The following AP2S1 variants were observed in gnomAD, a reference collection of about 807,000 sequenced individuals.
AP2S1 encodes AP-2 complex subunit sigma.
In AP2S1, 6 loss-of-function variants were observed where a neutral mutation model predicts 21.0. The ratio of observed to expected loss-of-function variants is 0.29; its 90% CI spans 0.16 to 0.56. AP2S1 has a LOEUF of 0.56. Ranked by LOEUF, AP2S1 falls within the 20% of genes least tolerant of loss-of-function variation. The probability of loss-of-function intolerance (pLI) is 0.92; values close to 1 mark genes in which losing one functional copy is unlikely to be tolerated. For missense variants in AP2S1, 60 were observed against 186.2 expected (o/e 0.32, Z 3.95); for synonymous variants, 63 against 74.6 (o/e 0.84, Z 0.80).
chr19:46,839,759 G>A (rs909670849), intron 2 of AP2S1, 181 bp from the exon 3 acceptor site: 27 of 1,028,072 alleles, frequency 2.6e-5, no homozygotes, highest in Admixed American at 1.1e-4. Context: ...ACAGTGCAGC[G>A]GGGGCAGGCA....
chr19:46,850,279 C>T (rs2055714945), intron 1 of AP2S1: 2 of 1,234,810 alleles, frequency 1.6e-6, no homozygotes, highest in Admixed American at 4.2e-5. Flanking sequence ...TCTCAACATC[C>T]CCTCTCCACC....
Position 46,838,540 on chromosome 19 carries a change from C to A in AP2S1, c.336G>T (p.Thr112=), listed in dbSNP as rs752653383. 1 of 1,614,196 alleles carries A rather than the reference C, an allele frequency of 6.2e-7. No homozygotes were observed. The highest frequency in any genetic ancestry group is 1.1e-5 in the South Asian group (1 of 91,070). ...CAGCCAGGAACATCTCGTCCACGAC[C>A]GTGTAAACCTGTGTGAGGGGAGACC... is the stretch of plus-strand genomic sequence containing the variant. The part of the protein sequence containing the change: ...DLVFNFYKVY[T]VVDEMFLAGE... Residue 112 remains threonine (T), a synonymous_variant, in exon 5 of 5, where the codon ACG becomes ACT. Coordinates refer to ENST00000263270, the MANE Select transcript of AP2S1 (RefSeq NM_004069.6). This position sits in a 1 kb window ranked among gnomAD's most constrained non-coding sequence, Gnocchi z 4.1.
At position 46,839,593 on chromosome 19, in the gene AP2S1, G is replaced by A. The variant is rs1275054920; in HGVS notation, c.154-15C>T. 1.9e-6 allele frequency: 3 copies of A among 1,614,194 alleles called. No individual in the cohort carries two copies. The highest frequency in any genetic ancestry group is 1.7e-5 in the Admixed American group (1 of 60,016). On this transcript the variant is annotated splice_polypyrimidine_tract_variant and intron_variant, in intron 2 of 4. Coordinates refer to ENST00000263270, the MANE Select transcript of AP2S1 (RefSeq NM_004069.6). ...AAGTTCCGGAACTGCAGAACAGAGA[G>A]GCTGTCAGCAACGGAGATTGCCAGG...
At chr19:46,840,356 C>A (rs1308572982) in intron 2 of AP2S1, among the ~76,000 whole-genome samples, 2 of 116,418 alleles carry the variant, frequency 1.7e-5, no homozygotes, top group African/African-American at 7.1e-5. Context: ...TTCTCAATGT[C>A]AGGTTCATTA....
intron 2 of AP2S1, among the ~76,000 whole-genome samples, chr19:46,842,474 G>A (rs1316167172): frequency 6.6e-6 from 1 of 152,138 alleles, no homozygotes; most frequent in African/African-American, 2.4e-5. Flanking sequence ...AGAAACATTA[G>A]GTGAATACAT....
In AP2S1 at chr19:46,838,569, G is replaced by A. The variant is rs780409762; in HGVS notation, c.328-21C>T. ...TAAACCTGTGTGAGGGGAGACCCTG[G>A]GGTGAGACGAGGCCCCCCAGGATGC... On this transcript the variant is annotated intron_variant, in intron 4 of 4. Coordinates refer to ENST00000263270, the MANE Select transcript of AP2S1 (RefSeq NM_004069.6). The surrounding 1 kb of genome is among the most constrained non-coding windows in gnomAD (Gnocchi z 4.1). 1.2e-6 allele frequency: 2 copies of A among 1,613,656 alleles called. No individual in the cohort carries two copies. Among genetic ancestry groups the A allele is most frequent in the African/African-American group, 2.7e-5 (2 of 75,066 alleles).
At chr19:46,840,945 C>T (rs1242736485) in intron 2 of AP2S1, among the ~76,000 whole-genome samples, 1 of 151,208 alleles carries the variant, frequency 6.6e-6, no homozygotes, top group Non-Finnish European at 1.5e-5. Context: ...AGCATGTTTT[C>T]AGGGTTTTTT....
chr19:46,844,064 C>G (rs1383322856), intron 2 of AP2S1, among the ~76,000 whole-genome samples: 1 of 152,060 alleles, frequency 6.6e-6, no homozygotes, highest in Non-Finnish European at 1.5e-5. Context: ...GCACCCACGA[C>G]CAGGCCCGGC....
At position 46,839,458 on chromosome 19, in the gene AP2S1, G is replaced by A. The variant is rs1172216017; in HGVS notation, c.267+7C>T. ...CCTCCCCACCTTACATCCCTCTCCC[G>A]CCGTACCTCCACGAAGTTGTGAATG... On this transcript the variant is annotated splice_region_variant and intron_variant, in intron 3 of 4. Transcript: ENST00000263270. The A allele has an allele frequency of 2.9e-5, 20 of 698,670 alleles. No homozygotes were observed. The highest frequency in any genetic ancestry group is 2.8e-4 in the Middle Eastern group (1 of 3,586). The allele number at this position is 698,670 out of a possible 1,614,324, so 43.3% of individuals were successfully genotyped here.
At chr19:46,839,800 G>A (rs2055484769) in intron 2 of AP2S1, 3 of 719,788 alleles carry the variant, frequency 4.2e-6, no homozygotes, top group Middle Eastern at 4.0e-4. Context: ...GGCTGTGAGA[G>A]CCCAAAGAGG....
At chr19:46,845,684 C>CA (rs200666819) in intron 2 of AP2S1, 175 of 212,812 alleles carry the variant, frequency 8.2e-4, no homozygotes, top group African/African-American at 3.7e-3. Context: ...TAATCGTAGG[C>CA]AAAAAAAATT....
chr19:46,842,599 C>T (rs543508509), intron 2 of AP2S1, among the ~76,000 whole-genome samples: 42 of 152,250 alleles, frequency 2.8e-4, no homozygotes, highest in African/African-American at 1.0e-3. Context: ...CCGGACTTTC[C>T]GGCTGCCCCT....
intron 2 of AP2S1, among the ~76,000 whole-genome samples, chr19:46,840,552 A>C (rs1359599530): frequency 6.6e-6 from 1 of 151,242 alleles, no homozygotes; most frequent in East Asian, 2.0e-4. Context: ...AGGTGGGGAG[A>C]TGACCTGAGC....
At chr19:46,850,615 C>A in intron 1 of AP2S1, 149 bp downstream of exon 1, 2 of 738,742 alleles carry the variant, frequency 2.7e-6, no homozygotes, top group Non-Finnish European at 4.4e-6. Context: ...CCCTCCTTCC[C>A]GGCCCTGGAT....
At chr19:46,848,240 G>A (rs2122804857) in intron 1 of AP2S1, among the ~76,000 whole-genome samples, 1 of 152,090 alleles carries the variant, frequency 6.6e-6, no homozygotes, top group South Asian at 2.1e-4. Flanking sequence ...GTGATGGGGG[G>A]CAGGGGGGAG....
intron 2 of AP2S1, 130 bp from the exon 3 acceptor site, chr19:46,839,708 C>G: frequency 1.4e-6 from 2 of 1,472,502 alleles, no homozygotes; most frequent in Non-Finnish European, 9.1e-7. Context: ...TGGCCCTGTG[C>G]TGGGGTCACA....
intron 1 of AP2S1, among the ~76,000 whole-genome samples, chr19:46,847,235 C>T (rs1345030123): frequency 2.1e-5 from 3 of 141,846 alleles, no homozygotes; most frequent in African/African-American, 5.1e-5. Flanking sequence ...AAAATCACCA[C>T]TTTTTTTTTT....
intron 2 of AP2S1, among the ~76,000 whole-genome samples, chr19:46,840,605 A>G (rs979320986): frequency 2.0e-5 from 3 of 151,184 alleles, no homozygotes; most frequent in African/African-American, 7.3e-5. Flanking sequence ...CCATCACTGC[A>G]CTCCAGCCCG....
intron 2 of AP2S1, among the ~76,000 whole-genome samples, chr19:46,841,695 C>T (rs1440540914): frequency 6.6e-6 from 1 of 152,232 alleles, no homozygotes; most frequent in African/African-American, 2.4e-5. Flanking sequence ...CAGGTAATGG[C>T]CCCCAAAGAC....
Sources: allele counts gnomAD v4.1 joint callset (sites outside exome capture counted in the v4.1 genomes callset), GRCh38; gene constraint gnomAD v4.1.1; non-coding constraint Gnocchi (gnomAD v3.1); transcripts MANE v1.5; gene names NCBI Gene and HGNC (gene_info 2026-07-23, HGNC 2026-07-21).